The following GRIK3 variants were observed in gnomAD, a reference collection of about 807,000 sequenced individuals.
GRIK3 encodes glutamate ionotropic receptor kainate type subunit 3.
GRIK3 carries 29 observed loss-of-function variants against 102.5 expected under a neutral mutation model. The ratio of observed to expected loss-of-function variants is 0.28; its 90% confidence interval spans 0.21 to 0.39. The LOEUF is 0.39. Among genes scored for constraint, GRIK3 ranks in the 10% least tolerant of loss-of-function variants. The probability of loss-of-function intolerance (pLI) is 1.00; values close to 1 mark genes in which losing one functional copy is unlikely to be tolerated. For synonymous variants in GRIK3, 511 were observed against 504.9 expected (o/e 1.01, Z -0.16); for missense variants, 908 against 1,252.4 (o/e 0.73, Z 4.15).
In GRIK3 at chr1:36,998,189, T is replaced by G. The variant is rs531119838; in HGVS notation, c.115+35805A>C. 3.9e-5 allele frequency among the ~76,000 whole-genome samples: 6 copies of G among 152,324 alleles called. No individual in the cohort carries two copies. In the East Asian group the frequency reaches 9.7e-4, roughly 25 times the overall value. ...CACCAGCAAAACAGGTAGACATTAA[T>G]CTGATCCATATTTGGGGACAGAAGG... On this transcript the variant is annotated intron_variant, in intron 1 of 15. Coordinates refer to ENST00000373091, the MANE Select transcript of GRIK3 (RefSeq NM_000831.4).
At chr1:36,981,219 G>A (rs746759744) in intron 1 of GRIK3, among the ~76,000 whole-genome samples, 8 of 152,298 alleles carry the variant, frequency 5.3e-5, no homozygotes, top group Middle Eastern at 3.4e-3. Context: ...TGGTCAACTC[G>A]GGTTATCTGG....
intron 1 of GRIK3, among the ~76,000 whole-genome samples, chr1:36,960,074 G>A (rs562872514): frequency 1.7e-5 from 2 of 120,056 alleles, no homozygotes; most frequent in South Asian, 6.2e-4. Context: ...TGTGAGCCAT[G>A]TGCCCCATGA....
At chr1:36,989,653 G>T (rs1173487879) in intron 1 of GRIK3, among the ~76,000 whole-genome samples, 2 of 152,144 alleles carry the variant, frequency 1.3e-5, no homozygotes, top group East Asian at 3.9e-4. Flanking sequence ...GGCCCCCACT[G>T]CTTCCCTGCC....
chr1:36,815,266 C>T (rs1211702047), intron 13 of GRIK3, among the ~76,000 whole-genome samples: 1 of 152,212 alleles, frequency 6.6e-6, no homozygotes, highest in East Asian at 1.9e-4. Context: ...ACTGTCTCTT[C>T]ACTACAAAGC....
intron 3 of GRIK3, among the ~76,000 whole-genome samples, chr1:36,879,836 C>A (rs1324998013): frequency 6.6e-6 from 1 of 151,976 alleles, no homozygotes; most frequent in Admixed American, 6.5e-5. Context: ...CAGAGCCCAT[C>A]TCCTCTTTCT....
intron 10 of GRIK3, among the ~76,000 whole-genome samples, chr1:36,833,457 A>G (rs1284566124): frequency 6.6e-6 from 1 of 152,222 alleles, no homozygotes; most frequent in Non-Finnish European, 1.5e-5. Flanking sequence ...TGCCCTGGGC[A>G]ACCTGGCTGG....
rs1312979975 is a variant in GRIK3, at chr1:36,801,543, TTC to T, written c.*306_*307del. On this transcript the variant is annotated 3_prime_UTR_variant, in exon 16 of 16. Transcript: ENST00000373091. ...CCCTCTGCAGGGCTGCGGCAGAAAC[TTC>T]TGACTCTGGAGGAGAGTTGAGGGGC... 10 of 271,624 alleles carry T rather than the reference TTC, an allele frequency of 3.7e-5. No individual in the cohort carries two copies. The highest frequency in any genetic ancestry group is 6.2e-5 in the Non-Finnish European group (9 of 144,316). The allele number at this position is 271,624 out of a possible 1,614,324, so 16.8% of individuals were successfully genotyped here.
chr1:36,826,843 A>G (rs1642760085), intron 10 of GRIK3, among the ~76,000 whole-genome samples: 1 of 152,082 alleles, frequency 6.6e-6, no homozygotes, highest in African/African-American at 2.4e-5. Flanking sequence ...TTAAAGTTCA[A>G]TTTTTTGGTC....
chr1:36,921,540 G>A (rs1641473403), intron 1 of GRIK3, among the ~76,000 whole-genome samples: 1 of 152,176 alleles, frequency 6.6e-6, no homozygotes, highest in Non-Finnish European at 1.5e-5. Flanking sequence ...CAGAGATAGC[G>A]GGGTACGTAA....
At chr1:36,894,063 G>A (rs1341549337) in intron 1 of GRIK3, among the ~76,000 whole-genome samples, 1 of 152,146 alleles carries the variant, frequency 6.6e-6, no homozygotes, top group Admixed American at 6.5e-5. Flanking sequence ...GTTTTAAAGT[G>A]TACAATGATT....
intron 1 of GRIK3, among the ~76,000 whole-genome samples, chr1:36,981,864 C>G (rs1458060101): frequency 6.6e-6 from 1 of 152,172 alleles, no homozygotes; most frequent in Non-Finnish European, 1.5e-5. Context: ...GTCACTATAA[C>G]CCAATAAAGG....
At chr1:36,968,903 C>G (rs1418821271) in intron 1 of GRIK3, among the ~76,000 whole-genome samples, 1 of 152,190 alleles carries the variant, frequency 6.6e-6, no homozygotes, top group South Asian at 2.1e-4. Flanking sequence ...AATGACTCAT[C>G]CAGAGACAAA....
At chr1:37,029,681 G>T (rs1011587710) in intron 1 of GRIK3, among the ~76,000 whole-genome samples, 1 of 152,388 alleles carries the variant, frequency 6.6e-6, no homozygotes, top group East Asian at 1.9e-4. Flanking sequence ...CCCCCATGGA[G>T]GGGACTGTTT....
intron 1 of GRIK3, among the ~76,000 whole-genome samples, chr1:36,960,274 G>T (rs4653235): frequency 0.29 from 43,202 of 149,212 alleles, 7,252 homozygotes; most frequent in Admixed American, 0.44. Context: ...TGTGACCCGT[G>T]AGCCTGTGAC....
chr1:36,883,840 T>G (rs1846832), intron 2 of GRIK3, among the ~76,000 whole-genome samples: 6,802 of 152,298 alleles, frequency 0.045, 410 homozygotes, highest in African/African-American at 0.13. Context: ...TGGTCTTGGG[T>G]TGTGTTTCCT....
At chr1:37,026,377 G>A (rs115562892) in intron 1 of GRIK3, among the ~76,000 whole-genome samples, 10 of 152,274 alleles carry the variant, frequency 6.6e-5, no homozygotes, top group African/African-American at 1.9e-4. Context: ...GTATGTGAGC[G>A]ATGGGCATAT....
intron 1 of GRIK3, among the ~76,000 whole-genome samples, chr1:37,032,647 C>T (rs1456359679): frequency 6.6e-6 from 1 of 152,198 alleles, no homozygotes; most frequent in African/African-American, 2.4e-5. Context: ...TGTCCCCTCC[C>T]GTGCCTGGCC....
chr1:36,960,704 A>G (rs1028921406), intron 1 of GRIK3, among the ~76,000 whole-genome samples: 3 of 152,188 alleles, frequency 2.0e-5, no homozygotes, highest in Admixed American at 6.5e-5. Flanking sequence ...TCCGCTGCTA[A>G]GCCTGGCTCC....
intron 1 of GRIK3, among the ~76,000 whole-genome samples, chr1:36,908,704 T>C (rs1421144155): frequency 6.6e-6 from 1 of 152,172 alleles, no homozygotes; most frequent in African/African-American, 2.4e-5. Flanking sequence ...CAGTTCATTA[T>C]GAAAATAATT....
Sources: allele counts gnomAD v4.1 joint callset (sites outside exome capture counted in the v4.1 genomes callset), GRCh38; gene constraint gnomAD v4.1.1; transcripts MANE v1.5; gene names NCBI Gene and HGNC (gene_info 2026-07-23, HGNC 2026-07-21).